OPCML: variants seen among roughly 807,000 people sequenced by gnomAD.
OPCML encodes the protein opioid binding protein/cell adhesion molecule like.
In OPCML, 13 loss-of-function variants were observed where a neutral mutation model predicts 37.8. The observed-to-expected ratio is 0.34, with a 90% CI of 0.22 to 0.55. The LOEUF (loss-of-function observed/expected upper bound fraction) is 0.55, where lower values mean the gene tolerates loss of function less well. Ranked by LOEUF, OPCML falls within the 20% of genes least tolerant of loss-of-function variation. The pLI is 0.91. For synonymous variants in OPCML, 176 were observed against 168.8 expected, an observed-to-expected ratio of 1.04 and a Z score of -0.33; for missense variants, 341 against 435.6, an observed-to-expected ratio of 0.78 and a Z score of 1.93.
At chr11:133,003,262 T>C (rs1356491672) in intron 1 of OPCML, among the ~76,000 whole-genome samples, 1 of 152,198 alleles carries the variant, frequency 6.6e-6, no homozygotes, top group African/African-American at 2.4e-5. Flanking sequence ...GAATTCAGCA[T>C]CACTGAGCCC....
chr11:132,540,870 T>A (rs149545176), intron 3 of OPCML, among the ~76,000 whole-genome samples: 5 of 152,348 alleles, frequency 3.3e-5, no homozygotes, highest in African/African-American at 1.2e-4. Flanking sequence ...AGGAACTGAA[T>A]GCAGCAAAAG....
intron 1 of OPCML, chr11:133,297,266 GAT>G (rs1942654051): frequency 6.6e-6 from 1 of 152,152 alleles, no homozygotes; most frequent in Non-Finnish European, 1.5e-5. Context: ...ATTCCACTGA[GAT>G]TATCTATTTT....
chr11:132,783,854 C>T (rs904644696), intron 2 of OPCML, among the ~76,000 whole-genome samples: 1 of 152,110 alleles, frequency 6.6e-6, no homozygotes, highest in African/African-American at 2.4e-5. Context: ...TCAATTTGGT[C>T]TGAAATACCT....
At position 133,309,068 on chromosome 11, in the gene OPCML, TAGA is replaced by T. The variant is rs546919453; in HGVS notation, c.61+223193_61+223195del. On this transcript the variant is annotated intron_variant, in intron 1 of 7. Transcript: ENST00000524381. ...AATGGGAGAAACAGAAAAGCACCAT[TAGA>T]AGTTTACAGTAATGATTGCTTCAGA... Among the ~76,000 whole-genome samples the T allele has an allele frequency of 2.6e-5, 4 of 152,262 alleles. No individual in the cohort carries two copies. In the South Asian group the frequency reaches 8.3e-4, roughly 32 times the overall value.
intron 1 of OPCML, among the ~76,000 whole-genome samples, chr11:133,086,021 C>T (rs1397874159): frequency 6.6e-6 from 1 of 152,190 alleles, no homozygotes; most frequent in East Asian, 1.9e-4. Flanking sequence ...AAATAGAGGA[C>T]AGTTAATGAT....
intron 3 of OPCML, among the ~76,000 whole-genome samples, chr11:132,590,266 C>T (rs1765902077): frequency 6.6e-6 from 1 of 152,110 alleles, no homozygotes; most frequent in South Asian, 2.1e-4. Context: ...CTGTAACCTA[C>T]TTCAAATATT....
intron 4 of OPCML, among the ~76,000 whole-genome samples, chr11:132,507,330 TTCTC>T (rs1189653678): frequency 6.6e-6 from 1 of 152,048 alleles, no homozygotes; most frequent in African/African-American, 2.4e-5. Flanking sequence ...AATAACAGAA[TTCTC>T]TCTCAGTCTG....
chr11:133,220,197 G>A (rs1449389536), intron 1 of OPCML, among the ~76,000 whole-genome samples: 1 of 152,302 alleles, frequency 6.6e-6, no homozygotes, highest in Non-Finnish European at 1.5e-5. Flanking sequence ...CCAGGCAGGT[G>A]TGCACCAGAC....
chr11:133,286,033 G>C (rs569009046), intron 1 of OPCML, among the ~76,000 whole-genome samples: 1 of 152,238 alleles, frequency 6.6e-6, no homozygotes, highest in South Asian at 2.1e-4. Flanking sequence ...GGAGAGGCAG[G>C]CTTCCTTGAA....
chr11:133,243,450 A>G (rs752142995), intron 1 of OPCML, among the ~76,000 whole-genome samples: 2 of 152,180 alleles, frequency 1.3e-5, no homozygotes, highest in Non-Finnish European at 2.9e-5. Flanking sequence ...AGAACCATTT[A>G]TTCTTCCAGG....
chr11:132,437,462 A>G, intron 4 of OPCML, 103 bp from the exon 5 acceptor site: 2 of 1,534,434 alleles, frequency 1.3e-6, no homozygotes, highest in Non-Finnish European at 1.7e-6. Context: ...AGAAAAAGCC[A>G]TCAGAATGGA....
chr11:133,138,265 A>G (rs1302004258), intron 1 of OPCML, among the ~76,000 whole-genome samples: 2 of 152,218 alleles, frequency 1.3e-5, no homozygotes, highest in Non-Finnish European at 2.9e-5. Context: ...AACAGATGCC[A>G]GTGCCATATT....
chr11:133,082,666 CACGGCA>C (rs1948750741), intron 1 of OPCML, among the ~76,000 whole-genome samples: 1 of 102,080 alleles, frequency 9.8e-6, no homozygotes, highest in Non-Finnish European at 2.1e-5. Context: ...CAGCCCTCGG[CACGGCA>C]CGGCCCTGTC....
chr11:133,278,815 T>A (rs1266958858), intron 1 of OPCML, among the ~76,000 whole-genome samples: 15 of 152,236 alleles, frequency 9.9e-5, no homozygotes. Context: ...GTATGGTTAA[T>A]GGTCCTACCT....
At chr11:133,181,820 C>T (rs2136286587) in intron 1 of OPCML, among the ~76,000 whole-genome samples, 1 of 152,288 alleles carries the variant, frequency 6.6e-6, no homozygotes, top group African/African-American at 2.4e-5. Context: ...CTTCAAAAGG[C>T]AACAGCCTAG....
At chr11:132,686,547 C>G (rs1463004258) in intron 2 of OPCML, among the ~76,000 whole-genome samples, 1 of 152,182 alleles carries the variant, frequency 6.6e-6, no homozygotes, top group African/African-American at 2.4e-5. Context: ...GCCTCTTATG[C>G]AAATAGTTTC....
At chr11:132,455,604 C>G (rs896397801) in intron 4 of OPCML, among the ~76,000 whole-genome samples, 1 of 152,116 alleles carries the variant, frequency 6.6e-6, no homozygotes, top group East Asian at 1.9e-4. Flanking sequence ...ATGCCAGTCC[C>G]GTCATTTTCA....
intron 1 of OPCML, among the ~76,000 whole-genome samples, chr11:133,127,251 G>A (rs955350481): frequency 6.6e-6 from 1 of 152,046 alleles, no homozygotes; most frequent in African/African-American, 2.4e-5. Context: ...ACCATTTTGG[G>A]TCTCCTTTGT....
intron 3 of OPCML, among the ~76,000 whole-genome samples, chr11:132,577,570 G>A (rs886287255): frequency 2.0e-5 from 3 of 151,944 alleles, no homozygotes; most frequent in Non-Finnish European, 2.9e-5. Context: ...ATACCCTACC[G>A]AAAGGTAACA....
Sources: gnomAD v4.1 joint callset for allele counts (sites outside exome capture counted in the v4.1 genomes callset) on GRCh38, gnomAD v4.1.1 for gene constraint, MANE v1.5 for transcripts, NCBI Gene and HGNC (gene_info 2026-07-23, HGNC 2026-07-21) for gene names.